Variants in MAP7 observed in about 807,000 individuals in gnomAD.
MAP7 encodes the protein ensconsin.
A neutral mutation model predicts 94.8 loss-of-function variants in MAP7; 52 were observed. The ratio of observed to expected loss-of-function variants is 0.55; its 90% CI spans 0.44 to 0.69. The LOEUF (loss-of-function observed/expected upper bound fraction) is 0.69, where lower values mean the gene tolerates loss of function less well. MAP7 is among the 30% of genes least tolerant of loss of function. The pLI, the probability that MAP7 is intolerant of heterozygous loss-of-function variation, is 0.00. For synonymous variants in MAP7, 350 were observed against 357.0 expected (o/e 0.98, Z 0.22); for missense variants, 940 against 964.6 (o/e 0.97, Z 0.34).
chr6:136,397,580 G>A (rs1009798689), intron 3 of MAP7, among the ~76,000 whole-genome samples: 1 of 149,438 alleles, frequency 6.7e-6, no homozygotes, highest in Non-Finnish European at 1.5e-5. Flanking sequence ...ACCTTTAGGA[G>A]GTAATTAAGA....
chr6:136,413,503 G>A (rs1255170213), intron 2 of MAP7, among the ~76,000 whole-genome samples: 1 of 148,438 alleles, frequency 6.7e-6, no homozygotes, highest in African/African-American at 2.5e-5. Flanking sequence ...CAGCCTGGGA[G>A]ACAGAGCGAG....
intron 1 of MAP7, among the ~76,000 whole-genome samples, chr6:136,489,378 G>A (rs9494525): frequency 3.5e-4 from 53 of 151,798 alleles, no homozygotes; most frequent in African/African-American, 1.3e-3. Flanking sequence ...CTTTTATCCC[G>A]AACATTAATG....
intron 2 of MAP7, among the ~76,000 whole-genome samples, chr6:136,412,585 G>C (rs1437075094): frequency 6.6e-6 from 1 of 152,160 alleles, no homozygotes; most frequent in East Asian, 1.9e-4. Flanking sequence ...TCCATAGAAA[G>C]TAAGTGCAAA....
intron 1 of MAP7, among the ~76,000 whole-genome samples, chr6:136,485,895 A>C (rs1487934752): frequency 6.6e-6 from 1 of 152,186 alleles, no homozygotes; most frequent in Non-Finnish European, 1.5e-5. Context: ...AATAGAACCT[A>C]TAATGCATTT....
intron 1 of MAP7, chr6:136,525,897 A>G: frequency 6.5e-7 from 1 of 1,535,340 alleles, no homozygotes; most frequent in Non-Finnish European, 8.7e-7. Context: ...GAATAAACCA[A>G]GAGGAATTGG....
intron 1 of MAP7, among the ~76,000 whole-genome samples, chr6:136,469,398 C>T (rs1317616586): frequency 1.4e-5 from 2 of 145,458 alleles, no homozygotes; most frequent in African/African-American, 5.1e-5. Flanking sequence ...CTCTCTTTTT[C>T]TTTCTTTGAA....
intron 1 of MAP7, among the ~76,000 whole-genome samples, chr6:136,439,820 C>T (rs908193822): frequency 6.6e-6 from 1 of 151,838 alleles, no homozygotes; most frequent in Admixed American, 6.6e-5. Context: ...GAAGGGAAAT[C>T]TTGGTGAGAC....
At chr6:136,373,958 C>T (rs1208049149) in intron 7 of MAP7, among the ~76,000 whole-genome samples, 1 of 152,216 alleles carries the variant, frequency 6.6e-6, no homozygotes, top group African/African-American at 2.4e-5. Context: ...CTGGCTATCA[C>T]TGCATGGTTT....
chr6:136,394,931 C>CATATATAT (rs144839767), intron 3 of MAP7, among the ~76,000 whole-genome samples: 686 of 27,418 alleles, frequency 0.025, 101 homozygotes, highest in Non-Finnish European at 0.036. Context: ...AATATTCCAT[C>CATATATAT]ATATATATAT....
At chr6:136,471,582 A>G (rs1036066902) in intron 1 of MAP7, among the ~76,000 whole-genome samples, 3 of 152,028 alleles carry the variant, frequency 2.0e-5, no homozygotes, top group Non-Finnish European at 2.9e-5. Flanking sequence ...GTTATATAGT[A>G]CCTTGGACAG....
intron 1 of MAP7, among the ~76,000 whole-genome samples, chr6:136,492,906 G>A (rs1583058603): frequency 1.3e-5 from 2 of 151,996 alleles, no homozygotes; most frequent in East Asian, 1.9e-4. Context: ...CAGAAATAGT[G>A]TATATATATT....
In MAP7 at chr6:136,360,990, G is replaced by T. The variant is rs761415786; in HGVS notation, c.1701+15C>A. The T allele has an allele frequency of 1.3e-6, 2 of 1,560,422 alleles. No individual in the cohort carries two copies. The highest frequency in any genetic ancestry group is 1.9e-5 in the Admixed American group (1 of 52,284). On this transcript the variant is annotated intron_variant, in intron 12 of 17. Transcript: ENST00000354570. ...GCGGGACTGGGGCCGGGGCCAGGGTGGGGTGCGGCCGCACCTGCCTCTGGG... is the reference window on the plus strand; with the variant it reads ...GCGGGACTGGGGCCGGGGCCAGGGTTGGGTGCGGCCGCACCTGCCTCTGGG...
chr6:136,499,351 T>C (rs1247432324), intron 1 of MAP7, among the ~76,000 whole-genome samples: 2 of 152,162 alleles, frequency 1.3e-5, no homozygotes, highest in Admixed American at 6.5e-5. Context: ...ATAGTTTCAT[T>C]TATTGTTCAC....
At chr6:136,484,728 C>T (rs927714917) in intron 1 of MAP7, among the ~76,000 whole-genome samples, 3 of 152,186 alleles carry the variant, frequency 2.0e-5, no homozygotes, top group Admixed American at 6.5e-5. Flanking sequence ...AGACAAGGTC[C>T]TCACTCTGCC....
intron 16 of MAP7, among the ~76,000 whole-genome samples, chr6:136,354,325 T>A (rs1291871996): frequency 6.9e-6 from 1 of 144,708 alleles, no homozygotes; most frequent in African/African-American, 2.5e-5. Flanking sequence ...TTTAAATTCC[T>A]ATAAATATAT....
chr6:136,525,250 T>C (rs968875043), intron 1 of MAP7, among the ~76,000 whole-genome samples: 1 of 152,216 alleles, frequency 6.6e-6, no homozygotes, highest in African/African-American at 2.4e-5. Flanking sequence ...TCAACAGTTA[T>C]ACAACCTCAT....
chr6:136,381,919 C>CACAG (rs373754692), intron 6 of MAP7, among the ~76,000 whole-genome samples: 7,664 of 102,660 alleles, frequency 0.075, 398 homozygotes, highest in Admixed American at 0.12. Context: ...CACACACACA[C>CACAG]AGAGAGAGAG....
At chr6:136,441,915 G>A (rs532725238) in intron 1 of MAP7, among the ~76,000 whole-genome samples, 1 of 152,206 alleles carries the variant, frequency 6.6e-6, no homozygotes, top group African/African-American at 2.4e-5. Context: ...GGGAGGCTGA[G>A]GTGGGAAGAT....
intron 16 of MAP7, among the ~76,000 whole-genome samples, chr6:136,353,520 T>C (rs145221413): frequency 0.011 from 1,648 of 152,276 alleles, 15 homozygotes; most frequent in Admixed American, 0.023. Context: ...AAAAACATCA[T>C]TCTTCACAAT....
Sources: gnomAD v4.1 joint callset for allele counts (sites outside exome capture counted in the v4.1 genomes callset) on GRCh38, gnomAD v4.1.1 for gene constraint, MANE v1.5 for transcripts, NCBI Gene and HGNC (gene_info 2026-07-23, HGNC 2026-07-21) for gene names.